CCDC3: variants seen among roughly 807,000 people sequenced by gnomAD.
CCDC3 encodes the protein coiled-coil domain-containing protein 3.
A neutral mutation model predicts 21.4 loss-of-function variants in CCDC3; 24 were observed. The ratio of observed to expected loss-of-function variants is 1.12; its 90% CI spans 0.81 to 1.58. CCDC3 has a LOEUF of 1.58. CCDC3 is among the 40% of genes most tolerant of loss of function. The pLI is 0.00. For missense variants in CCDC3, 425 were observed against 360.9 expected (o/e 1.18, Z -1.44); for synonymous variants, 186 against 166.0 (o/e 1.12, Z -0.93).
chr10:13,082,602 G>A (rs771962701), intron 3 of CCDC3, among the ~76,000 whole-genome samples: 6 of 152,146 alleles, frequency 3.9e-5, no homozygotes, highest in African/African-American at 9.7e-5. Context: ...TCCCTTTCCC[G>A]GTTTGCTAAG....
chr10:13,047,927 G>A (rs1047363218), intron 5 of CCDC3, among the ~76,000 whole-genome samples: 2 of 152,130 alleles, frequency 1.3e-5, no homozygotes, highest in Admixed American at 1.3e-4. Context: ...ACGATTTTGA[G>A]GGCTTAAAGG....
At chr10:13,040,687 T>TCACACACA (rs10653974) in intron 5 of CCDC3, among the ~76,000 whole-genome samples, 5,329 of 142,736 alleles carry the variant, frequency 0.037, 173 homozygotes, top group South Asian at 0.087. Flanking sequence ...CAAAACTCTG[T>TCACACACA]CACACACACA....
intron 5 of CCDC3, among the ~76,000 whole-genome samples, chr10:13,028,722 A>G (rs1408654941): frequency 6.6e-6 from 1 of 152,184 alleles, no homozygotes; most frequent in Non-Finnish European, 1.5e-5. Flanking sequence ...TCCTAGGAAG[A>G]TGAATTGATG....
At chr10:12,919,598 A>AAG (rs1834415138) in intron 2 of CCDC3, among the ~76,000 whole-genome samples, 1 of 151,840 alleles carries the variant, frequency 6.6e-6, no homozygotes, top group African/African-American at 2.4e-5. Flanking sequence ...AAAAAAAAAA[A>AAG]AAAAAAGAAA....
chr10:13,012,791 A>T (rs1182201467), intron 5 of CCDC3, among the ~76,000 whole-genome samples: 8 of 151,986 alleles, frequency 5.3e-5, no homozygotes, highest in African/African-American at 1.9e-4. Context: ...AACAAACAAA[A>T]AAACTGTTGA....
At chr10:12,923,741 T>C (rs1391551755) in intron 2 of CCDC3, among the ~76,000 whole-genome samples, 1 of 152,202 alleles carries the variant, frequency 6.6e-6, no homozygotes, top group Non-Finnish European at 1.5e-5. Flanking sequence ...TCTGTGTCCC[T>C]CCCGACCCGT....
chr10:12,937,938 T>A (rs1319803970), intron 2 of CCDC3, among the ~76,000 whole-genome samples: 1 of 152,176 alleles, frequency 6.6e-6, no homozygotes, highest in Non-Finnish European at 1.5e-5. Context: ...TGGTCTTCCA[T>A]CCCGTGGCCC....
chr10:12,959,250 C>A (rs1564299003), intron 2 of CCDC3, among the ~76,000 whole-genome samples: 1 of 151,900 alleles, frequency 6.6e-6, no homozygotes, highest in Non-Finnish European at 1.5e-5. Context: ...TCACTGCAAC[C>A]TCTGCCTCCT....
chr10:12,970,898 A>G (rs1416060099), intron 2 of CCDC3, among the ~76,000 whole-genome samples: 2 of 152,182 alleles, frequency 1.3e-5, no homozygotes, highest in Admixed American at 6.5e-5. Context: ...AAAAAAAAAA[A>G]AAAAATTGTC....
chr10:12,923,441 C>A (rs769319750), intron 2 of CCDC3, among the ~76,000 whole-genome samples: 1 of 152,146 alleles, frequency 6.6e-6, no homozygotes, highest in South Asian at 2.1e-4. Context: ...CCCTTTCCAC[C>A]GGCTTAAGTG....
chr10:13,004,260 C>G (rs952106624), upstream of CCDC3, among the ~76,000 whole-genome samples: 1 of 137,762 alleles, frequency 7.3e-6, no homozygotes, highest in Non-Finnish European at 1.6e-5. Context: ...CCAACTGACA[C>G]TATAATTAAG....
At chr10:13,006,798 TA>T (rs1237814634) in intron 5 of CCDC3, among the ~76,000 whole-genome samples, 5 of 152,134 alleles carry the variant, frequency 3.3e-5, no homozygotes, top group Non-Finnish European at 5.9e-5. Flanking sequence ...TAAATTTACT[TA>T]TGTCTAAAAG....
At chr10:12,903,596 T>C (rs1834125824) in intron 2 of CCDC3, among the ~76,000 whole-genome samples, 1 of 152,178 alleles carries the variant, frequency 6.6e-6, no homozygotes, top group Non-Finnish European at 1.5e-5. Flanking sequence ...AGACTCCTCA[T>C]AGGCAGGCCC....
intron 5 of CCDC3, among the ~76,000 whole-genome samples, chr10:13,032,943 T>C (rs532891285): frequency 7.2e-4 from 110 of 152,208 alleles, no homozygotes; most frequent in Non-Finnish European, 1.3e-3. Flanking sequence ...TTCAATGCCA[T>C]CCCCATCAAG....
chr10:13,084,946 A>G (rs1420615688), intron 3 of CCDC3, among the ~76,000 whole-genome samples: 1 of 152,162 alleles, frequency 6.6e-6, no homozygotes, highest in African/African-American at 2.4e-5. Context: ...CCTCCAACCA[A>G]GCCTTTGTCA....
chr10:13,019,525 G>A (rs1016133039), intron 5 of CCDC3, among the ~76,000 whole-genome samples: 1 of 152,158 alleles, frequency 6.6e-6, no homozygotes, highest in African/African-American at 2.4e-5. Flanking sequence ...CACGTGATCA[G>A]CATTGCACTA....
chr10:13,094,029 G>A (rs1483994922), intron 3 of CCDC3, among the ~76,000 whole-genome samples: 1 of 152,200 alleles, frequency 6.6e-6, no homozygotes, highest in African/African-American at 2.4e-5. Flanking sequence ...AGGAACTCAT[G>A]ACAGTTTTGT....
At chr10:12,908,469 T>C (rs1834212061) in intron 2 of CCDC3, among the ~76,000 whole-genome samples, 1 of 152,126 alleles carries the variant, frequency 6.6e-6, no homozygotes, top group African/African-American at 2.4e-5. Context: ...TTTGCAAACA[T>C]TTTATCTAGT....
chr10:12,917,716 A>T (rs1834382009), intron 2 of CCDC3, among the ~76,000 whole-genome samples: 1 of 152,220 alleles, frequency 6.6e-6, no homozygotes, highest in Admixed American at 6.5e-5. Context: ...TTTACATGGT[A>T]TAAAAACATT....
Sources: gnomAD v4.1 joint callset for allele counts (sites outside exome capture counted in the v4.1 genomes callset) on GRCh38, gnomAD v4.1.1 for gene constraint, MANE v1.5 for transcripts, NCBI Gene and HGNC (gene_info 2026-07-23, HGNC 2026-07-21) for gene names.